RAP2A: variants seen among roughly 807,000 people sequenced by gnomAD.
The protein encoded by RAP2A is ras-related protein Rap-2a.
RAP2A carries 5 observed loss-of-function variants against 15.1 expected under a neutral mutation model. The ratio of observed to expected loss-of-function variants is 0.33; its 90% CI spans 0.17 to 0.70. The LOEUF is 0.70. Ranked by LOEUF, RAP2A falls within the 30% of genes least tolerant of loss-of-function variation. The pLI is 0.68. For missense variants in RAP2A, 111 were observed against 240.3 expected (o/e 0.46, Z 3.56); for synonymous variants, 110 against 99.7 (o/e 1.10, Z -0.62).
intron 1 of RAP2A, chr13:97,436,283 G>A (rs763819331): frequency 3.3e-5 from 5 of 152,054 alleles, no homozygotes; most frequent in Non-Finnish European, 7.4e-5. Flanking sequence ...TTAGTATGAG[G>A]ATGGCATTTA....
At position 97,452,922 on chromosome 13, in the gene RAP2A, A is replaced by G. The variant is rs11618857; in HGVS notation, c.315-11283A>G. Among the ~76,000 whole-genome samples, 539 of 151,388 alleles carry G rather than the reference A, an allele frequency of 3.6e-3. 7 individuals are homozygous for G. Among genetic ancestry groups the G allele is most frequent in the South Asian group, 0.012 (59 of 4,758 alleles). On this transcript the variant is annotated intron_variant, in intron 1 of 1. Transcript: ENST00000245304. The stretch of plus-strand genomic sequence containing the variant: ...TGCTACTGTAAATGGTTCATTTTAA[A>G]TGGATTTTCTAATTGTTTTCTAATT...
At chr13:97,464,081 C>A in intron 1 of RAP2A, 124 bp from the exon 2 acceptor site, 1 of 829,190 alleles carries the variant, frequency 1.2e-6, no homozygotes, top group Non-Finnish European at 1.9e-6. Context: ...TGGTACAAAT[C>A]ATTTTCATGC....
intron 1 of RAP2A, chr13:97,437,651 T>A (rs943361678): frequency 1.3e-5 from 2 of 152,218 alleles, no homozygotes; most frequent in Admixed American, 6.5e-5. Flanking sequence ...CATTACTTAG[T>A]ATATTCAAGA....
intron 1 of RAP2A, among the ~76,000 whole-genome samples, chr13:97,438,304 C>G (rs990024977): frequency 5.3e-5 from 8 of 152,158 alleles, no homozygotes; most frequent in Non-Finnish European, 4.4e-5. Context: ...GCTCTTATCC[C>G]TCCCTGCCTG....
intron 1 of RAP2A, among the ~76,000 whole-genome samples, chr13:97,438,516 T>C (rs2066643624): frequency 6.6e-6 from 1 of 151,992 alleles, no homozygotes; most frequent in African/African-American, 2.4e-5. Flanking sequence ...TATCAGACCT[T>C]AGCAATGACC....
At chr13:97,452,553 C>T (rs999743075) in intron 1 of RAP2A, among the ~76,000 whole-genome samples, 1 of 151,036 alleles carries the variant, frequency 6.6e-6, no homozygotes, top group African/African-American at 2.4e-5. Context: ...GTCTAATCCT[C>T]CAGCTTTGTT....
chr13:97,461,737 G>A (rs2066746693), intron 1 of RAP2A, among the ~76,000 whole-genome samples: 1 of 151,900 alleles, frequency 6.6e-6, no homozygotes. Flanking sequence ...GCTGAGGCGG[G>A]CGGATCACGA....
At chr13:97,456,956 CA>C (rs1376762592) in intron 1 of RAP2A, among the ~76,000 whole-genome samples, 1 of 152,158 alleles carries the variant, frequency 6.6e-6, no homozygotes, top group Non-Finnish European at 1.5e-5. Context: ...TTCATGCTAG[CA>C]AACTGTGGTA....
intron 1 of RAP2A, among the ~76,000 whole-genome samples, chr13:97,450,706 T>A (rs2066698804): frequency 6.6e-6 from 1 of 152,180 alleles, no homozygotes; most frequent in African/African-American, 2.4e-5. Context: ...TTTTTTACAT[T>A]TGGTTTCTAA....
Position 97,464,515 on chromosome 13 carries a change from C to A in RAP2A, c.*73C>A. On this transcript the variant is annotated 3_prime_UTR_variant, in exon 2 of 2. Coordinates refer to ENST00000245304, the MANE Select transcript of RAP2A (RefSeq NM_021033.7). ...GATAGAAAACTCGCCTACTCCACTGCAGAACTTGCAGAATGCGTGGTGTTA... is the reference window on the plus strand; with the variant it reads ...GATAGAAAACTCGCCTACTCCACTGAAGAACTTGCAGAATGCGTGGTGTTA... 7.6e-7 allele frequency: 1 copy of A among 1,316,200 alleles called. No individual in the cohort carries two copies. The highest frequency in any genetic ancestry group is 1.2e-5 in the South Asian group (1 of 81,684). 81.5% of individuals were successfully genotyped at this position (1,316,200 alleles called of 1,614,324 possible). A position where few individuals can be genotyped will look rare whatever the true frequency, so the allele number is the denominator to read the frequency against.
Position 97,434,467 on chromosome 13 carries a change from G to T in RAP2A, c.-4G>T. Reference sequence around the variant, plus strand: ...GCGGCGGCGGCGGCGGCCGCGGAGGGACGATGCGCGAGTACAAAGTGGTGG... The same window carrying T: ...GCGGCGGCGGCGGCGGCCGCGGAGGTACGATGCGCGAGTACAAAGTGGTGG... On this transcript the variant is annotated 5_prime_UTR_variant, in exon 1 of 2. Coordinates refer to ENST00000245304, the MANE Select transcript of RAP2A (RefSeq NM_021033.7). The T allele has an allele frequency of 1.3e-6, 2 of 1,592,128 alleles. No homozygotes were observed. Among genetic ancestry groups the T allele is most frequent in the South Asian group, 1.1e-5 (1 of 88,892 alleles).
intron 1 of RAP2A, among the ~76,000 whole-genome samples, chr13:97,445,014 C>T (rs2153179435): frequency 6.6e-6 from 1 of 152,282 alleles, no homozygotes; most frequent in South Asian, 2.1e-4. Context: ...GCTGCATCTT[C>T]ATATGGTGTA....
Position 97,434,402 on chromosome 13 carries a change from G to T in RAP2A, c.-69G>T. 8.7e-7 allele frequency: 1 copy of T among 1,150,684 alleles called. No homozygotes were observed. Among genetic ancestry groups the T allele is most frequent in the Non-Finnish European group, 1.1e-6 (1 of 928,526 alleles). The allele number at this position is 1,150,684 out of a possible 1,614,324, so 71.3% of individuals were successfully genotyped here. ...GGGGCGGGCCGCCGGGGCCGGGGCT[G>T]GGGGCGCAGCGCGGCCGGCGTAGGT... On this transcript the variant is annotated 5_prime_UTR_variant, in exon 1 of 2. Coordinates refer to ENST00000245304, the MANE Select transcript of RAP2A (RefSeq NM_021033.7).
intron 1 of RAP2A, among the ~76,000 whole-genome samples, chr13:97,459,620 C>T (rs972988118): frequency 2.8e-4 from 42 of 152,224 alleles, no homozygotes; most frequent in African/African-American, 1.0e-3. Context: ...TTAGAATGCT[C>T]TTCCCCTAGA....
At chr13:97,462,603 T>C (rs1354564681) in intron 1 of RAP2A, among the ~76,000 whole-genome samples, 1 of 152,244 alleles carries the variant, frequency 6.6e-6, no homozygotes, top group Non-Finnish European at 1.5e-5. Flanking sequence ...TAGTGTACAG[T>C]AAATTTATAT....
chr13:97,442,203 A>G (rs1315889619), intron 1 of RAP2A, among the ~76,000 whole-genome samples: 1 of 152,152 alleles, frequency 6.6e-6, no homozygotes. Flanking sequence ...CAAAATAACT[A>G]AAAACAATAT....
chr13:97,456,826 A>C (rs766917368), intron 1 of RAP2A, among the ~76,000 whole-genome samples: 16 of 152,040 alleles, frequency 1.1e-4, no homozygotes, highest in Non-Finnish European at 2.4e-4. Context: ...TATTCAAGCT[A>C]AATTACCAGA....
chr13:97,450,485 G>C (rs959042825), intron 1 of RAP2A, among the ~76,000 whole-genome samples: 1 of 151,946 alleles, frequency 6.6e-6, no homozygotes, highest in African/African-American at 2.4e-5. Context: ...ATATGTGCCC[G>C]AGCTTCAGTT....
rs749767702 is a variant in RAP2A at position 97,434,456 on chromosome 13, G to A, written c.-15G>A. The A allele has an allele frequency of 6.4e-7, 1 of 1,571,474 alleles. No homozygotes were observed. Among genetic ancestry groups the A allele is most frequent in the Non-Finnish European group, 8.6e-7 (1 of 1,157,692 alleles). ...TGTCGCGGGCGGCGGCGGCGGCGGC[G>A]GCCGCGGAGGGACGATGCGCGAGTA... On this transcript the variant is annotated 5_prime_UTR_variant, in exon 1 of 2. Transcript: ENST00000245304.
Sources: gnomAD v4.1 joint callset for allele counts (sites outside exome capture counted in the v4.1 genomes callset) on GRCh38, gnomAD v4.1.1 for gene constraint, MANE v1.5 for transcripts, NCBI Gene and HGNC (gene_info 2026-07-23, HGNC 2026-07-21) for gene names.